The following GRM5 variants were observed in gnomAD, a reference collection of about 807,000 sequenced individuals.
GRM5 encodes glutamate metabotropic receptor 5.
GRM5 carries 19 observed loss-of-function variants against 83.1 expected under a neutral mutation model. The ratio of observed to expected loss-of-function variants is 0.23; its 90% CI spans 0.16 to 0.34. The LOEUF is 0.34. Ranked by LOEUF, GRM5 falls within the 10% of genes least tolerant of loss-of-function variation. The probability of loss-of-function intolerance (pLI) is 1.00; values close to 1 mark genes in which losing one functional copy is unlikely to be tolerated. For synonymous variants in GRM5, 675 were observed against 633.6 expected (o/e 1.07, Z -0.98); for missense variants, 1,160 against 1,588.3 (o/e 0.73, Z 4.58).
At chr11:88,923,641 A>G (rs1945732256) in intron 2 of GRM5, among the ~76,000 whole-genome samples, 1 of 152,092 alleles carries the variant, frequency 6.6e-6, no homozygotes, top group Admixed American at 6.6e-5. Flanking sequence ...TTGATAGCAT[A>G]GCAGGGTGAC....
chr11:88,933,182 G>T (rs1349639759), intron 2 of GRM5, among the ~76,000 whole-genome samples: 1 of 122,756 alleles, frequency 8.1e-6, no homozygotes, highest in East Asian at 2.6e-4. Context: ...TCAAATATTT[G>T]GGGCATTTTT....
At chr11:88,543,783 G>T (rs907419359) in intron 8 of GRM5, among the ~76,000 whole-genome samples, 5 of 151,958 alleles carry the variant, frequency 3.3e-5, no homozygotes, top group Non-Finnish European at 7.4e-5. Context: ...TTATCTGGGG[G>T]AAGGATGGTA....
rs560988860 is a variant in GRM5, at chr11:88,895,271, G to A, written c.662-45116C>T. Among the ~76,000 whole-genome samples, 26 of 152,000 alleles carry A rather than the reference G, an allele frequency of 1.7e-4. No individual in the cohort carries two copies. In the East Asian group the frequency reaches 4.4e-3, roughly 26 times the overall value. On this transcript the variant is annotated intron_variant, in intron 2 of 9. Transcript: ENST00000305447. ...ATAATTAAATAATTACAATCTTTTTGAAATAGTTTCCTCATCAGTAAAGTG... is the reference window on the plus strand; with the variant it reads ...ATAATTAAATAATTACAATCTTTTTAAAATAGTTTCCTCATCAGTAAAGTG...
At chr11:88,990,292 C>G (rs1477146489) in intron 2 of GRM5, among the ~76,000 whole-genome samples, 2 of 152,158 alleles carry the variant, frequency 1.3e-5, no homozygotes, top group African/African-American at 4.8e-5. Flanking sequence ...GACCCATACA[C>G]TTTCCCAAGA....
intron 2 of GRM5, among the ~76,000 whole-genome samples, chr11:88,907,502 G>T (rs1565286863): frequency 1.3e-5 from 2 of 152,168 alleles, no homozygotes; most frequent in Non-Finnish European, 1.5e-5. Flanking sequence ...AGTTTGGAAG[G>T]CTTCTAGTGC....
chr11:88,938,375 T>C (rs1180689455), intron 2 of GRM5, among the ~76,000 whole-genome samples: 6 of 151,728 alleles, frequency 4.0e-5, no homozygotes, highest in African/African-American at 1.4e-4. Flanking sequence ...CTTTTATATT[T>C]TTCATACACG....
intron 3 of GRM5, among the ~76,000 whole-genome samples, chr11:88,743,669 T>C (rs1449406575): frequency 6.6e-6 from 1 of 152,088 alleles, no homozygotes; most frequent in Non-Finnish European, 1.5e-5. Context: ...CCTTAGGCCA[T>C]TTTACCAGGA....
Position 88,505,040 on chromosome 11 carries a change from T to C in GRM5, c.*3552A>G, listed in dbSNP as rs994060267. The C allele has an allele frequency of 3.3e-5, 5 of 152,126 alleles. No individual in the cohort carries two copies. Among genetic ancestry groups the C allele is most frequent in the Admixed American group, 3.3e-4 (5 of 15,270 alleles). The allele number at this position is 152,126 out of a possible 1,614,324, so 9.4% of individuals were successfully genotyped here. A position where few individuals can be genotyped will look rare whatever the true frequency, so the allele number is the denominator to read the frequency against. On this transcript the variant is annotated 3_prime_UTR_variant, in exon 10 of 10. Coordinates refer to ENST00000305447, the MANE Select transcript of GRM5 (RefSeq NM_001143831.3). ...AATATACATAGTATATTTGTTCACA[T>C]TGGGAAGATCAGTGAAATTCAACCA...
intron 9 of GRM5, among the ~76,000 whole-genome samples, chr11:88,522,562 G>T (rs1276548473): frequency 7.5e-6 from 1 of 133,514 alleles, no homozygotes; most frequent in African/African-American, 2.8e-5. Context: ...AGCATGGCAG[G>T]TCTCTCTTCT....
At position 88,637,869 on chromosome 11, in the gene GRM5, G is replaced by A. The variant is rs375030978; in HGVS notation, c.1147+15299C>T. On this transcript the variant is annotated intron_variant, in intron 4 of 9. Transcript: ENST00000305447. ...ACACATGCACATGTATGTTTATTGC[G>A]GCATTATTCACAATAGCAAAGACTT... 0.01 allele frequency among the ~76,000 whole-genome samples: 1,541 copies of A among 149,382 alleles called. 43 individuals are homozygous for A. The East Asian group carries it at 0.12, about 11-fold the overall frequency.
intron 2 of GRM5, among the ~76,000 whole-genome samples, chr11:88,922,014 C>T (rs1251047077): frequency 6.6e-6 from 1 of 151,182 alleles, no homozygotes; most frequent in Non-Finnish European, 1.5e-5. Flanking sequence ...AAAATAAAAT[C>T]CCAAGGAAAA....
chr11:88,676,847 G>A (rs995221074), intron 3 of GRM5, among the ~76,000 whole-genome samples: 7 of 152,170 alleles, frequency 4.6e-5, no homozygotes, highest in Admixed American at 3.3e-4. Context: ...TGCGTGCAAG[G>A]CATTGCATTT....
chr11:88,596,226 G>T (rs989367841), intron 6 of GRM5, among the ~76,000 whole-genome samples: 1 of 152,074 alleles, frequency 6.6e-6, no homozygotes, highest in Admixed American at 6.6e-5. Flanking sequence ...ATCTACAAAC[G>T]TTTTCTCCAA....
chr11:88,598,275 A>T (rs1937877654), intron 5 of GRM5, among the ~76,000 whole-genome samples: 1 of 152,106 alleles, frequency 6.6e-6, no homozygotes, highest in African/African-American at 2.4e-5. Context: ...AACTGATATG[A>T]ATGGAAAATG....
intron 2 of GRM5, among the ~76,000 whole-genome samples, chr11:88,891,531 G>C (rs1262401585): frequency 6.7e-6 from 1 of 148,848 alleles, no homozygotes; most frequent in Non-Finnish European, 1.5e-5. Flanking sequence ...CCAAAATGAT[G>C]TCCAGTCTTA....
rs568054220 is a variant in GRM5, at chr11:88,905,538, C to T, written c.662-55383G>A. Among the ~76,000 whole-genome samples the T allele has an allele frequency of 7.9e-5, 12 of 152,150 alleles. No homozygotes were observed. In the Middle Eastern group the frequency reaches 0.021, roughly 261 times the overall value. On this transcript the variant is annotated intron_variant, in intron 2 of 9. Transcript: ENST00000305447. Reference sequence around the variant, plus strand: ...TGTATTTTTAGTAGAGACGGGGTTTCGCCAGGTTTGTCAGGCTGGTCTGGA... The same window carrying T: ...TGTATTTTTAGTAGAGACGGGGTTTTGCCAGGTTTGTCAGGCTGGTCTGGA...
chr11:88,964,819 T>C (rs2134991818), intron 2 of GRM5, among the ~76,000 whole-genome samples: 1 of 152,258 alleles, frequency 6.6e-6, no homozygotes, highest in African/African-American at 2.4e-5. Context: ...TGGCCTACTT[T>C]TGTATATTAA....
At chr11:89,055,291 A>T (rs1565354211) in intron 1 of GRM5, among the ~76,000 whole-genome samples, 1 of 152,178 alleles carries the variant, frequency 6.6e-6, no homozygotes, top group Non-Finnish European at 1.5e-5. Context: ...CTTTATTGGC[A>T]ATTGGAGTGA....
At chr11:88,987,361 G>A (rs1167760521) in intron 2 of GRM5, among the ~76,000 whole-genome samples, 6 of 151,862 alleles carry the variant, frequency 4.0e-5, no homozygotes, top group African/African-American at 7.3e-5. Context: ...AGGGTCCTAC[G>A]CCCACGGAGT....
Sources: gnomAD v4.1 joint callset for allele counts (sites outside exome capture counted in the v4.1 genomes callset) on GRCh38, gnomAD v4.1.1 for gene constraint, MANE v1.5 for transcripts, NCBI Gene and HGNC (gene_info 2026-07-23, HGNC 2026-07-21) for gene names.